Variants in SUPT7L observed in about 807,000 individuals in gnomAD.
SUPT7L encodes SPT7 like, STAGA complex subunit gamma, also known as STAGA complex 65 subunit gamma.
Under a neutral mutation model 35.7 loss-of-function variants are expected in SUPT7L, and 15 were observed. That is an observed-to-expected ratio of 0.42 (90% CI 0.28 to 0.65). SUPT7L has a LOEUF of 0.65. Among genes scored for constraint, SUPT7L ranks in the 30% least tolerant of loss-of-function variants. The pLI, the probability that SUPT7L is intolerant of heterozygous loss-of-function variation, is 0.23. For synonymous variants in SUPT7L, 168 were observed against 186.2 expected, an observed-to-expected ratio of 0.90 and a Z score of 0.79; for missense variants, 434 against 522.2, an observed-to-expected ratio of 0.83 and a Z score of 1.65.
At chr2:27,661,480 T>A in intron 2 of SUPT7L, 92 bp from the exon 3 acceptor site, 1 of 1,561,716 alleles carries the variant, frequency 6.4e-7, no homozygotes, top group South Asian at 1.2e-5. Context: ...CAACTTTAGA[T>A]TATAGGCTTC....
intron 4 of SUPT7L, among the ~76,000 whole-genome samples, chr2:27,655,817 A>G (rs140578977): frequency 8.4e-4 from 128 of 152,338 alleles, no homozygotes; most frequent in Non-Finnish European, 8.8e-5. Flanking sequence ...TGTGTATGTC[A>G]TTAATTAAAA....
intron 5 of SUPT7L, among the ~76,000 whole-genome samples, chr2:27,655,093 T>C: frequency 6.6e-6 from 1 of 152,202 alleles, no homozygotes; most frequent in East Asian, 1.9e-4. Context: ...GAATCAGCCT[T>C]GGTAATCAAC....
At chr2:27,648,078 A>G (rs951039107), downstream of SUPT7L, 13 of 629,414 alleles carry the variant, frequency 2.1e-5, no homozygotes, top group African/African-American at 3.6e-5. Context: ...AGAGTTTCCT[A>G]TATTGAGAGT....
rs928272861 is a variant in SUPT7L, at chr2:27,657,072, G to C, written c.744+273C>G. 1.3e-5 allele frequency among the ~76,000 whole-genome samples: 2 copies of C among 152,210 alleles called. No individual in the cohort carries two copies. Among genetic ancestry groups the C allele is most frequent in the Non-Finnish European group, 2.9e-5 (2 of 68,042 alleles). ...AACAGGCACTCAATAAATACTTGTT[G>C]AATAAAATCAGACTAACTGCATTCT... is the stretch of plus-strand genomic sequence containing the variant. On this transcript the variant is annotated intron_variant, in intron 4 of 5. Transcript: ENST00000337768. This position sits in a 1 kb window ranked among gnomAD's most constrained non-coding sequence, Gnocchi z 5.2.
At chr2:27,661,639 GTTA>G in intron 2 of SUPT7L, 9 of 1,348,786 alleles carry the variant, frequency 6.7e-6, no homozygotes, top group South Asian at 1.6e-5. Context: ...TTAGATGCTG[GTTA>G]TTGTCATACT....
intron 3 of SUPT7L, among the ~76,000 whole-genome samples, chr2:27,658,182 G>A (rs1486840704): frequency 2.6e-5 from 4 of 152,170 alleles, no homozygotes; most frequent in Non-Finnish European, 4.4e-5. Context: ...TCAAAACAGG[G>A]AAGTCAACTC....
In SUPT7L at chr2:27,662,268, G is replaced by T; in HGVS notation, c.-76C>A. On this transcript the variant is annotated 5_prime_UTR_variant, in exon 2 of 6. Transcript: ENST00000337768. ...TCTGTGTCGGTCAAAGACTGATAAT[G>T]TGAGATCCTTGCCCTGAAGTGAGGA... 6.7e-7 allele frequency: 1 copy of T among 1,488,616 alleles called. No individual in the cohort carries two copies. The highest frequency in any genetic ancestry group is 9.4e-7 in the Non-Finnish European group (1 of 1,065,878). 92.2% of individuals were successfully genotyped at this position (1,488,616 alleles called of 1,614,324 possible).
At position 27,661,244 on chromosome 2, in the gene SUPT7L, C is replaced by T. The variant is rs1371486336; in HGVS notation, c.159G>A (p.Leu53=). ...SANKPKPPTM[L]DIPSEPCSLT... ...GACTACATGGCTCTGAGGGGATGTC[C>T]AGCATAGTGGGGGGCTTCGGCTTGT... The change falls in exon 3 of 6, where the codon CTG becomes CTA. Residue 53 remains leucine (L), a synonymous_variant. Coordinates refer to ENST00000337768, the MANE Select transcript of SUPT7L (RefSeq NM_014860.3). The T allele has an allele frequency of 1.9e-6, 3 of 1,613,542 alleles. No homozygotes were observed. The highest frequency in any genetic ancestry group is 2.5e-6 in the Non-Finnish European group (3 of 1,179,640).
intron 2 of SUPT7L, 48 bp downstream of exon 2, chr2:27,662,124 GTCAGAAT>G: frequency 6.2e-7 from 1 of 1,613,700 alleles, no homozygotes; most frequent in Non-Finnish European, 8.5e-7. Flanking sequence ...ATTGGAAAAA[GTCAGAAT>G]TCCTTGGCTT....
At chr2:27,645,056 C>G in the SUPT7L span, among the ~76,000 whole-genome samples, 2 of 152,186 alleles carry the variant, frequency 1.3e-5, no homozygotes, top group Non-Finnish European at 2.9e-5. Context: ...CAGCCTCGAA[C>G]TACTGGGCTC....
At chr2:27,661,960 T>C in intron 2 of SUPT7L, 1 of 634,734 alleles carries the variant, frequency 1.6e-6, no homozygotes. Flanking sequence ...AATGGCATTA[T>C]GCTTTCAACT....
At position 27,662,378 on chromosome 2, in the gene SUPT7L, A is replaced by G. The variant is rs190583766; in HGVS notation, c.-89-97T>C. 2.4e-3 allele frequency: 1,431 copies of G among 589,414 alleles called. 12 individuals are homozygous for G. The Middle Eastern group carries it at 0.032, about 13-fold the overall frequency. The allele number at this position is 589,414 out of a possible 1,614,324, so 36.5% of individuals were successfully genotyped here. ...ATGGACCTGGGGTACTGGAAGCACA[A>G]AGGAGGAGCTTCCTGGGTGAAATGA... On this transcript the variant is annotated intron_variant, in intron 1 of 5. Transcript: ENST00000337768.
In SUPT7L at chr2:27,651,290, T is replaced by C. The variant is rs903300436; in HGVS notation, c.*2195A>G. ...ATTGTTCAACTTACCTCTTATAACC[T>C]ATGAACTCAGAAACCCTGGGGGTGG... On this transcript the variant is annotated 3_prime_UTR_variant, in exon 6 of 6. Transcript: ENST00000337768. 6.6e-6 allele frequency: 1 copy of C among 152,220 alleles called. No individual in the cohort carries two copies. The highest frequency in any genetic ancestry group is 1.5e-5 in the Non-Finnish European group (1 of 68,064). 9.4% of individuals were successfully genotyped at this position (152,220 alleles called of 1,614,324 possible).
chr2:27,659,281 G>A (rs1395373877), intron 3 of SUPT7L, among the ~76,000 whole-genome samples: 1 of 152,174 alleles, frequency 6.6e-6, no homozygotes, highest in African/African-American at 2.4e-5. Flanking sequence ...CAACCCCTGT[G>A]TATTTAGTCT....
At position 27,656,827 on chromosome 2, in the gene SUPT7L, T is replaced by TG. The variant is rs202175848; in HGVS notation, c.744+517dup. 6.7e-3 allele frequency among the ~76,000 whole-genome samples: 1,014 copies of TG among 151,648 alleles called. 16 individuals are homozygous for TG. The highest frequency in any genetic ancestry group is 0.023 in the African/African-American group (963 of 41,346). On this transcript the variant is annotated intron_variant, in intron 4 of 5. Transcript: ENST00000337768. ...TTTATTTTTTAATTTTCTGTAGAGATGGGGTCTCACTATATTGTCCAGGCT... is the reference window on the plus strand; with the variant it reads ...TTTATTTTTTAATTTTCTGTAGAGATGGGGGTCTCACTATATTGTCCAGGCT...
At chr2:27,643,197 ATTTT>A in the SUPT7L span, among the ~76,000 whole-genome samples, 3 of 144,420 alleles carry the variant, frequency 2.1e-5, no homozygotes, top group Non-Finnish European at 4.6e-5. This position sits in a 1 kb window ranked among gnomAD's most constrained non-coding sequence, Gnocchi z 4.0. Flanking sequence ...ATTAAAAAAA[ATTTT>A]TTTTTTTTTA....
chr2:27,642,956 T>TACACACACACACACACAC, the SUPT7L span, among the ~76,000 whole-genome samples: 901 of 85,666 alleles, frequency 0.011, 8 homozygotes, highest in East Asian at 0.057. Context: ...TATATATATA[T>TACACACACACACACACAC]ATACACACAC....
At chr2:27,662,091 A>T in intron 2 of SUPT7L, 88 bp downstream of exon 2, 4 of 1,588,000 alleles carry the variant, frequency 2.5e-6, no homozygotes, top group Non-Finnish European at 3.5e-6. Flanking sequence ...TTAAAACTTA[A>T]ATCAAATGGC....
chr2:27,643,933 T>A, the SUPT7L span, among the ~76,000 whole-genome samples: 1 of 152,122 alleles, frequency 6.6e-6, no homozygotes, highest in South Asian at 2.1e-4. This position sits in a 1 kb window ranked among gnomAD's most constrained non-coding sequence, Gnocchi z 4.0. Flanking sequence ...AATCCCAGCA[T>A]TTTGGGAGGC....
Sources: gnomAD v4.1 joint callset for allele counts (sites outside exome capture counted in the v4.1 genomes callset) on GRCh38, gnomAD v4.1.1 for gene constraint, Gnocchi (gnomAD v3.1) non-coding constraint, MANE v1.5 for transcripts, NCBI Gene and HGNC (gene_info 2026-07-23, HGNC 2026-07-21) for gene names.